RAPGEF5: variants seen among roughly 807,000 people sequenced by gnomAD.
RAPGEF5 encodes M-Ras-regulated GEF.
A neutral mutation model predicts 125.2 loss-of-function variants in RAPGEF5; 65 were observed. That is an observed-to-expected ratio of 0.52 (90% CI 0.43 to 0.64). The LOEUF is 0.64. RAPGEF5 is among the 30% of genes least tolerant of loss of function. RAPGEF5 has a pLI of 0.00. For synonymous variants in RAPGEF5, 391 were observed against 385.9 expected, an observed-to-expected ratio of 1.01 and a Z score of -0.16; for missense variants, 958 against 1,048.1, an observed-to-expected ratio of 0.91 and a Z score of 1.19.
At chr7:22,245,495 G>A (rs117096912) in intron 7 of RAPGEF5, among the ~76,000 whole-genome samples, 4 of 152,100 alleles carry the variant, frequency 2.6e-5, no homozygotes, top group Non-Finnish European at 5.9e-5. Context: ...TGTATATGGT[G>A]TGAGATAGGG....
At chr7:22,176,822 C>A (rs893253183) in intron 11 of RAPGEF5, among the ~76,000 whole-genome samples, 2 of 152,192 alleles carry the variant, frequency 1.3e-5, no homozygotes, top group Admixed American at 6.5e-5. Context: ...TGAGCCACTG[C>A]GCCTGGCCAA....
intron 6 of RAPGEF5, among the ~76,000 whole-genome samples, chr7:22,286,229 C>T (rs2528919): frequency 0.49 from 74,851 of 152,050 alleles, 19,232 homozygotes; most frequent in East Asian, 0.67. Context: ...TCTTTCACCA[C>T]CCATGTGATG....
intron 11 of RAPGEF5, among the ~76,000 whole-genome samples, chr7:22,172,457 T>C (rs1355759268): frequency 6.6e-6 from 1 of 152,146 alleles, no homozygotes; most frequent in East Asian, 1.9e-4. Context: ...AAAATAATTA[T>C]CTAATTTTAT....
At chr7:22,254,426 T>C (rs923171534) in intron 7 of RAPGEF5, among the ~76,000 whole-genome samples, 5 of 149,740 alleles carry the variant, frequency 3.3e-5, no homozygotes, top group African/African-American at 1.2e-4. Context: ...CTGACCAAGG[T>C]GGAGAAACCC....
At chr7:22,246,506 G>C (rs1295847006) in intron 7 of RAPGEF5, among the ~76,000 whole-genome samples, 1 of 152,076 alleles carries the variant, frequency 6.6e-6, no homozygotes, top group Non-Finnish European at 1.5e-5. Context: ...GAATGGTGCT[G>C]GGATAACTGC....
chr7:22,250,072 T>C (rs1786580637), intron 7 of RAPGEF5, among the ~76,000 whole-genome samples: 2 of 152,218 alleles, frequency 1.3e-5, no homozygotes, highest in Non-Finnish European at 2.9e-5. Context: ...TATCTATCTA[T>C]GGTTCCTTAT....
At position 22,167,084 on chromosome 7, in the gene RAPGEF5, C is replaced by A. The variant is rs375674675; in HGVS notation, c.1269G>T (p.Gln423His). 2 of 1,612,476 alleles carry A rather than the reference C, an allele frequency of 1.2e-6. No individual in the cohort carries two copies. Among genetic ancestry groups the A allele is most frequent in the Non-Finnish European group, 1.7e-6 (2 of 1,178,892 alleles). The change falls in exon 12 of 26, where the codon CAG (glutamine) becomes CAT (histidine). Residue 423 changes from glutamine (Q) to histidine (H), a missense_variant. Gln to His is a conservative substitution (Grantham distance 24). Transcript: ENST00000665637. ...TVFMTTDDLCQALLRHYSAKK... is the reference protein window; with the variant it reads ...TVFMTTDDLCHALLRHYSAKK... ...ATGAAGGATATTGCCTTAACAGAGC[C>A]TGGCACAAGTCATCAGTTGTCATGA... is the stretch of plus-strand genomic sequence containing the variant.
At chr7:22,273,293 A>G (rs1322572573) in intron 6 of RAPGEF5, among the ~76,000 whole-genome samples, 1 of 135,818 alleles carries the variant, frequency 7.4e-6, no homozygotes, top group African/African-American at 2.9e-5. Context: ...ATCTCGGCTC[A>G]CTGCAAGCTC....
chr7:22,298,668 G>A (rs1783124163), intron 5 of RAPGEF5: 1 of 152,182 alleles, frequency 6.6e-6, no homozygotes, highest in Non-Finnish European at 1.5e-5. Context: ...GGCCTGGTTC[G>A]TACTTGGATA....
intron 6 of RAPGEF5, among the ~76,000 whole-genome samples, chr7:22,285,337 TCCC>T (rs1005055526): frequency 2.0e-5 from 3 of 151,824 alleles, no homozygotes; most frequent in African/African-American, 7.3e-5. Context: ...ACATGACAAA[TCCC>T]CCCAACTTTC....
intron 3 of RAPGEF5, among the ~76,000 whole-genome samples, chr7:22,310,523 T>G (rs1783444014): frequency 6.6e-6 from 1 of 152,212 alleles, no homozygotes; most frequent in Admixed American, 6.5e-5. Context: ...GAGATAATGC[T>G]TTTACCTTGG....
intron 1 of RAPGEF5, among the ~76,000 whole-genome samples, chr7:22,348,418 A>G (rs1784265328): frequency 6.6e-6 from 1 of 152,218 alleles, no homozygotes; most frequent in African/African-American, 2.4e-5. Flanking sequence ...TTGCTTAAAT[A>G]TCAAGCATGT....
chr7:22,141,516 C>T (rs755588242), intron 20 of RAPGEF5, among the ~76,000 whole-genome samples: 55 of 152,178 alleles, frequency 3.6e-4, no homozygotes, highest in Non-Finnish European at 6.9e-4. Context: ...TGCCCAGAGC[C>T]GGCCCCACAG....
At chr7:22,201,142 T>C (rs1276062630) in intron 9 of RAPGEF5, among the ~76,000 whole-genome samples, 4 of 152,146 alleles carry the variant, frequency 2.6e-5, no homozygotes, top group Non-Finnish European at 1.5e-5. Context: ...AAAGTAAGTA[T>C]TGGATCCCTT....
chr7:22,310,188 C>CT (rs970641504), intron 3 of RAPGEF5, 98 bp from the exon 4 acceptor site: 2 of 1,268,020 alleles, frequency 1.6e-6, no homozygotes, highest in East Asian at 3.1e-5. Context: ...CATGTGCTTG[C>CT]TTTTTTTAGA....
chr7:22,322,287 C>G (rs906827075), intron 1 of RAPGEF5, among the ~76,000 whole-genome samples: 2 of 151,816 alleles, frequency 1.3e-5, no homozygotes, highest in East Asian at 3.9e-4. Flanking sequence ...AGGCACACAC[C>G]ACCACCATGT....
At chr7:22,334,391 T>C (rs1365063514) in intron 1 of RAPGEF5, among the ~76,000 whole-genome samples, 1 of 152,138 alleles carries the variant, frequency 6.6e-6, no homozygotes, top group African/African-American at 2.4e-5. Context: ...AAGCCCAAAA[T>C]GTAGACATTG....
At chr7:22,125,788 G>T in intron 24 of RAPGEF5, 130 bp from the exon 25 acceptor site, 1 of 821,524 alleles carries the variant, frequency 1.2e-6, no homozygotes, top group Non-Finnish European at 2.0e-6. Context: ...TGTATTTGGA[G>T]CTGGATGTAG....
intron 24 of RAPGEF5, among the ~76,000 whole-genome samples, chr7:22,129,582 T>C (rs1028421998): frequency 2.0e-5 from 3 of 152,224 alleles, no homozygotes; most frequent in Admixed American, 6.5e-5. Context: ...AAGTGCCCTG[T>C]GATCTTCAGA....
Sources: gnomAD v4.1 joint callset for allele counts (sites outside exome capture counted in the v4.1 genomes callset) on GRCh38, gnomAD v4.1.1 for gene constraint, MANE v1.5 for transcripts, NCBI Gene and HGNC (gene_info 2026-07-23, HGNC 2026-07-21) for gene names.